The following BMP5 variants were observed in gnomAD, a reference collection of about 807,000 sequenced individuals.
The protein encoded by BMP5 is bone morphogenetic protein 5.
Under a neutral mutation model 46.6 loss-of-function variants are expected in BMP5, and 23 were observed. The ratio of observed to expected loss-of-function variants is 0.49; its 90% CI spans 0.35 to 0.70. BMP5 has a LOEUF of 0.70. Among genes scored for constraint, BMP5 ranks in the 30% least tolerant of loss-of-function variants. The probability of loss-of-function intolerance (pLI) is 0.00; values close to 1 mark genes in which losing one functional copy is unlikely to be tolerated. For synonymous variants in BMP5, 204 were observed against 191.9 expected (o/e 1.06, Z -0.52); for missense variants, 545 against 565.6 (o/e 0.96, Z 0.37).
At chr6:55,792,611 G>A (rs1411657965) in intron 3 of BMP5, among the ~76,000 whole-genome samples, 1 of 151,418 alleles carries the variant, frequency 6.6e-6, no homozygotes, top group Non-Finnish European at 1.5e-5. Flanking sequence ...TTCAATTTGT[G>A]TGTGAACTTC....
At position 55,798,822 on chromosome 6, in the gene BMP5, T is replaced by C. The variant is rs568952640; in HGVS notation, c.684-4395A>G. Among the ~76,000 whole-genome samples, 11 of 152,306 alleles carry C rather than the reference T, an allele frequency of 7.2e-5. No individual in the cohort carries two copies. In the East Asian group the frequency reaches 1.9e-3, roughly 27 times the overall value. ...GGCTATTGGTATGTTTGTGTATATT[T>C]ACTTGCATGAGTGCCTTTTATTTTA... On this transcript the variant is annotated intron_variant, in intron 2 of 6. Transcript: ENST00000370830.
In BMP5 at chr6:55,771,168, T is replaced by C. The variant is rs1476278532; in HGVS notation, c.1027+2881A>G. ...AAGCAAAATGCAATAAAACATGGTA[T>C]GCCTGTACTCTATTCTTTTCAACAC... On this transcript the variant is annotated intron_variant, in intron 4 of 6. Coordinates refer to ENST00000370830, the MANE Select transcript of BMP5 (RefSeq NM_021073.4). Among the ~76,000 whole-genome samples the C allele has an allele frequency of 3.3e-5, 5 of 151,842 alleles. 1 individual carries two copies.
chr6:55,762,247 A>C (rs1391471875), intron 4 of BMP5, among the ~76,000 whole-genome samples: 1 of 152,120 alleles, frequency 6.6e-6, no homozygotes, highest in Non-Finnish European at 1.5e-5. Context: ...AAAGAAATAA[A>C]ATTAAAAAAT....
intron 1 of BMP5, among the ~76,000 whole-genome samples, chr6:55,858,264 AG>A: frequency 6.6e-6 from 1 of 152,296 alleles, no homozygotes; most frequent in South Asian, 2.1e-4. Flanking sequence ...AATTACCTAT[AG>A]GATGACTTTG....
chr6:55,805,641 C>T (rs1412093647), intron 2 of BMP5, among the ~76,000 whole-genome samples: 1 of 152,184 alleles, frequency 6.6e-6, no homozygotes, highest in East Asian at 1.9e-4. Flanking sequence ...GGAATCGGCA[C>T]ATTGTCTTCC....
intron 1 of BMP5, among the ~76,000 whole-genome samples, chr6:55,848,250 G>A (rs146277197): frequency 0.01 from 1,554 of 151,942 alleles, 17 homozygotes; most frequent in Admixed American, 0.018. Flanking sequence ...CTGACTCCTG[G>A]TTTCTGGTTG....
chr6:55,790,533 T>A (rs926848709), intron 3 of BMP5, among the ~76,000 whole-genome samples: 2 of 152,318 alleles, frequency 1.3e-5, no homozygotes, highest in East Asian at 3.9e-4. Context: ...TCATATTCCT[T>A]ACATGATTTG....
chr6:55,765,850 A>C (rs1774904889), intron 4 of BMP5, among the ~76,000 whole-genome samples: 1 of 152,166 alleles, frequency 6.6e-6, no homozygotes. Context: ...CAAAGTATCC[A>C]TGTGGATCAT....
At chr6:55,802,230 A>G (rs1438486986) in intron 2 of BMP5, among the ~76,000 whole-genome samples, 2 of 152,206 alleles carry the variant, frequency 1.3e-5, no homozygotes, top group Non-Finnish European at 2.9e-5. Context: ...TCTAGTGTCC[A>G]TGGCAATAGT....
At chr6:55,850,070 T>C (rs1165856052) in intron 1 of BMP5, among the ~76,000 whole-genome samples, 1 of 152,112 alleles carries the variant, frequency 6.6e-6, no homozygotes, top group African/African-American at 2.4e-5. Flanking sequence ...GCACTTCATG[T>C]TTATCTCTAA....
At chr6:55,807,234 A>AT (rs574745626) in intron 2 of BMP5, among the ~76,000 whole-genome samples, 304 of 152,000 alleles carry the variant, frequency 2.0e-3, no homozygotes, top group South Asian at 3.7e-3. Flanking sequence ...TTATTTTGAG[A>AT]TTTTTTCATC....
At chr6:55,818,414 G>T (rs540177954) in intron 2 of BMP5, among the ~76,000 whole-genome samples, 1 of 151,960 alleles carries the variant, frequency 6.6e-6, no homozygotes, top group South Asian at 2.1e-4. Flanking sequence ...GTTGCTGTTT[G>T]CTTTTCTAAA....
At chr6:55,868,678 T>C (rs1777708530) in intron 1 of BMP5, among the ~76,000 whole-genome samples, 1 of 152,196 alleles carries the variant, frequency 6.6e-6, no homozygotes, top group African/African-American at 2.4e-5. Flanking sequence ...TCATACAAAC[T>C]AGGTGTTACT....
intron 1 of BMP5, among the ~76,000 whole-genome samples, chr6:55,822,770 G>A (rs1776439860): frequency 1.3e-5 from 2 of 152,046 alleles, no homozygotes; most frequent in African/African-American, 4.8e-5. Flanking sequence ...TAGAATTTCA[G>A]CCATTATTAT....
intron 1 of BMP5, among the ~76,000 whole-genome samples, chr6:55,858,042 C>G (rs908853253): frequency 6.6e-6 from 1 of 152,126 alleles, no homozygotes; most frequent in African/African-American, 2.4e-5. Context: ...TTGGCCAACA[C>G]CTTTTAAACA....
At chr6:55,866,027 T>C (rs1777632389) in intron 1 of BMP5, among the ~76,000 whole-genome samples, 1 of 152,132 alleles carries the variant, frequency 6.6e-6, no homozygotes, top group Non-Finnish European at 1.5e-5. Context: ...ATAAAGCATA[T>C]TTAATTAATA....
intron 3 of BMP5, among the ~76,000 whole-genome samples, chr6:55,784,628 C>T (rs1323576181): frequency 6.6e-6 from 1 of 151,548 alleles, no homozygotes; most frequent in Non-Finnish European, 1.5e-5. Context: ...ACTATAATTA[C>T]ACAAAGAGAC....
chr6:55,816,462 A>G (rs559780879), intron 2 of BMP5, among the ~76,000 whole-genome samples: 70 of 152,282 alleles, frequency 4.6e-4, no homozygotes, highest in African/African-American at 1.6e-3. Context: ...TATGTAACAT[A>G]AAAATAACAT....
At chr6:55,758,411 T>C (rs1415602572) in intron 6 of BMP5, among the ~76,000 whole-genome samples, 1 of 151,866 alleles carries the variant, frequency 6.6e-6, no homozygotes, top group Non-Finnish European at 1.5e-5. Flanking sequence ...CAGTACATTG[T>C]TCATAAAAAT....
Sources: gnomAD v4.1 joint callset for allele counts (sites outside exome capture counted in the v4.1 genomes callset) on GRCh38, gnomAD v4.1.1 for gene constraint, MANE v1.5 for transcripts, NCBI Gene and HGNC (gene_info 2026-07-23, HGNC 2026-07-21) for gene names.